Variants in TNRC6B observed in about 807,000 individuals in gnomAD.
TNRC6B encodes trinucleotide repeat-containing gene 6B protein.
A neutral mutation model predicts 203.6 loss-of-function variants in TNRC6B; 52 were observed. The observed-to-expected ratio is 0.26, with a 90% confidence interval of 0.20 to 0.32. The LOEUF is 0.32. TNRC6B is among the 10% of genes least tolerant of loss of function. The pLI is 1.00. For synonymous variants in TNRC6B, 838 were observed against 845.7 expected, an observed-to-expected ratio of 0.99 and a Z score of 0.16; for missense variants, 1,923 against 2,286.2, an observed-to-expected ratio of 0.84 and a Z score of 3.24.
At chr22:40,267,623 G>A (rs1244982595) in intron 5 of TNRC6B, among the ~76,000 whole-genome samples, 1 of 152,168 alleles carries the variant, frequency 6.6e-6, no homozygotes, top group African/African-American at 2.4e-5. Flanking sequence ...CCAGCACTAT[G>A]GGAGACTAGG....
intron 3 of TNRC6B, among the ~76,000 whole-genome samples, chr22:40,154,871 A>ATATATG (rs1344378429): frequency 2.3e-5 from 1 of 44,174 alleles, no homozygotes; most frequent in Non-Finnish European, 3.9e-5. Flanking sequence ...ATATATATAT[A>ATATATG]TATATATATA....
At chr22:40,312,713 T>TG in intron 18 of TNRC6B, 62 bp downstream of exon 18, 1 of 1,559,300 alleles carries the variant, frequency 6.4e-7, no homozygotes, top group South Asian at 1.2e-5. Context: ...TGTCAGTTTG[T>TG]GACTTCATTT....
chr22:40,220,934 G>T (rs2069698995), intron 1 of TNRC6B, among the ~76,000 whole-genome samples: 1 of 152,234 alleles, frequency 6.6e-6, no homozygotes, highest in East Asian at 1.9e-4. Context: ...AAGCCGGCAT[G>T]TGGGGGAGAG....
intron 1 of TNRC6B, among the ~76,000 whole-genome samples, chr22:40,213,810 T>G (rs2069595996): frequency 6.6e-6 from 1 of 152,184 alleles, no homozygotes. Flanking sequence ...TGCAGTGCAC[T>G]ACTGTATAGG....
chr22:40,325,537 G>A lies in TNRC6B; in HGVS notation c.*2296G>A, dbSNP rs1354680191. 2 of 152,362 alleles carry A rather than the reference G, an allele frequency of 1.3e-5. No homozygotes were observed. The highest frequency in any genetic ancestry group is 2.9e-5 in the Non-Finnish European group (2 of 68,046). 9.4% of individuals were successfully genotyped at this position (152,362 alleles called of 1,614,324 possible). A position where few individuals can be genotyped will look rare whatever the true frequency, so the allele number is the denominator to read the frequency against. ...TGCAGCATTGACGTGGCCCCGCTGGGTGCCTTGAGCATGCCCTCTTCCTGC... is the reference window on the plus strand; with the variant it reads ...TGCAGCATTGACGTGGCCCCGCTGGATGCCTTGAGCATGCCCTCTTCCTGC... On this transcript the variant is annotated 3_prime_UTR_variant, in exon 23 of 23. Transcript: ENST00000454349.
chr22:40,142,960 C>G (rs1165996159), intron 3 of TNRC6B, among the ~76,000 whole-genome samples: 2 of 152,188 alleles, frequency 1.3e-5, no homozygotes, highest in Admixed American at 1.3e-4. Flanking sequence ...ACTGTGGGGG[C>G]TAAAACGTTG....
At chr22:40,241,884 T>C (rs746236048) in intron 1 of TNRC6B, among the ~76,000 whole-genome samples, 1 of 152,246 alleles carries the variant, frequency 6.6e-6, no homozygotes, top group Non-Finnish European at 1.5e-5. Context: ...TAATTACTTA[T>C]TTTGATGTTG....
upstream of TNRC6B, among the ~76,000 whole-genome samples, chr22:40,175,225 C>T (rs1369317131): frequency 1.3e-5 from 2 of 151,572 alleles, no homozygotes; most frequent in African/African-American, 4.9e-5. Context: ...GGCATGGTGG[C>T]ATGTGTCTGT....
intron 18 of TNRC6B, 64 bp downstream of exon 18, chr22:40,312,715 AC>A: frequency 6.4e-7 from 1 of 1,558,794 alleles, no homozygotes; most frequent in African/African-American, 1.4e-5. Context: ...TCAGTTTGTG[AC>A]TTCATTTGTA....
rs539346419 is a variant in TNRC6B, at chr22:40,048,573, C to G, written c.-121+3575C>G. Among the ~76,000 whole-genome samples, 26 of 151,958 alleles carry G rather than the reference C, an allele frequency of 1.7e-4. No homozygotes were observed. The South Asian group carries it at 5.0e-3, about 29-fold the overall frequency. On this transcript the variant is annotated intron_variant, in intron 1 of 23. Coordinates refer to the TNRC6B transcript ENST00000301923. Reference sequence around the variant, plus strand: ...AAAAAAAAAAAATTTCCAAAACTCTCTCTTCAGGTTTCATCCTTTTCTGTC... The same window carrying G: ...AAAAAAAAAAAATTTCCAAAACTCTGTCTTCAGGTTTCATCCTTTTCTGTC...
chr22:40,314,278 C>T (rs2146568064), intron 19 of TNRC6B, among the ~76,000 whole-genome samples: 2 of 152,212 alleles, frequency 1.3e-5, no homozygotes. Context: ...GTATTTTCTT[C>T]CTCTTTCCTC....
intron 1 of TNRC6B, among the ~76,000 whole-genome samples, chr22:40,081,262 C>A (rs919040436): frequency 6.7e-6 from 1 of 148,608 alleles, no homozygotes; most frequent in Non-Finnish European, 1.5e-5. Context: ...AACTCTAATT[C>A]TTCAATGTAT....
intron 2 of TNRC6B, among the ~76,000 whole-genome samples, chr22:40,123,869 C>G (rs1159031030): frequency 6.7e-6 from 1 of 149,568 alleles, no homozygotes; most frequent in Non-Finnish European, 1.5e-5. Context: ...CCAATGCTAT[C>G]AACCTAATTT....
intron 1 of TNRC6B, among the ~76,000 whole-genome samples, chr22:40,224,425 T>A (rs2146440632): frequency 6.6e-6 from 1 of 152,312 alleles, no homozygotes; most frequent in South Asian, 2.1e-4. Flanking sequence ...ATTTTTCTTT[T>A]GTATTGTTGG....
intron 4 of TNRC6B, among the ~76,000 whole-genome samples, chr22:40,170,357 G>GTTTATATATATATTATA (rs2068962973): frequency 3.4e-5 from 2 of 58,040 alleles, no homozygotes; most frequent in Admixed American, 2.4e-4. Context: ...TATATATTAT[G>GTTTATATATATATTATA]TATATAGTTT....
intron 1 of TNRC6B, among the ~76,000 whole-genome samples, chr22:40,208,149 AAAC>A (rs1440073587): frequency 6.6e-6 from 1 of 151,654 alleles, no homozygotes; most frequent in Non-Finnish European, 1.5e-5. Context: ...AACAAGAAAA[AAAC>A]AAGTTTTGGT....
intron 18 of TNRC6B, 56 bp downstream of exon 18, chr22:40,312,707 A>T: frequency 1.0e-5 from 16 of 1,565,062 alleles, no homozygotes; most frequent in Non-Finnish European, 1.4e-5. Flanking sequence ...CATAGTTGTC[A>T]GTTTGTGACT....
chr22:40,188,187 C>T (rs2069228225), intron 1 of TNRC6B, among the ~76,000 whole-genome samples: 2 of 151,824 alleles, frequency 1.3e-5, no homozygotes. Context: ...CCAGCCTGGG[C>T]GACAGAGCAA....
At chr22:40,241,961 A>G (rs2070034781) in intron 1 of TNRC6B, among the ~76,000 whole-genome samples, 1 of 152,216 alleles carries the variant, frequency 6.6e-6, no homozygotes, top group South Asian at 2.1e-4. Context: ...GACGGATCCC[A>G]TCATTCTTTG....
Sources: gnomAD v4.1 joint callset for allele counts (sites outside exome capture counted in the v4.1 genomes callset) on GRCh38, gnomAD v4.1.1 for gene constraint, MANE v1.5 for transcripts, NCBI Gene and HGNC (gene_info 2026-07-23, HGNC 2026-07-21) for gene names.